PI4KA: variants seen among roughly 807,000 people sequenced by gnomAD.
PI4KA encodes the protein PI4-kinase alpha.
In PI4KA, 122 loss-of-function variants were observed where a neutral mutation model predicts 271.4. The observed-to-expected ratio is 0.45, with a 90% confidence interval of 0.39 to 0.52. The LOEUF is 0.52. Ranked by LOEUF, PI4KA falls within the 20% of genes least tolerant of loss-of-function variation. The pLI, the probability that PI4KA is intolerant of heterozygous loss-of-function variation, is 0.00. For synonymous variants in PI4KA, 1,041 were observed against 1,078.8 expected (o/e 0.96, Z 0.69); for missense variants, 1,969 against 2,769.1 (o/e 0.71, Z 6.48).
intron 1 of PI4KA, among the ~76,000 whole-genome samples, chr22:20,853,624 G>A (rs1301988128): frequency 6.6e-6 from 1 of 152,178 alleles, no homozygotes; most frequent in African/African-American, 2.4e-5. Flanking sequence ...CCTCTGAGGT[G>A]GGTTCCAATC....
At chr22:20,737,041 C>T (rs574912905) in intron 32 of PI4KA, among the ~76,000 whole-genome samples, 1 of 152,176 alleles carries the variant, frequency 6.6e-6, no homozygotes, top group African/African-American at 2.4e-5. Context: ...GTGGTTGGAC[C>T]CATTAGTTGG....
intron 19 of PI4KA, among the ~76,000 whole-genome samples, chr22:20,768,328 TC>T (rs1336650154): frequency 6.6e-6 from 1 of 152,096 alleles, no homozygotes; most frequent in African/African-American, 2.4e-5. Context: ...CGTGTTGGCC[TC>T]CCCAAGTGTT....
chr22:20,847,724 T>C (rs1206235602), intron 1 of PI4KA, among the ~76,000 whole-genome samples: 1 of 148,720 alleles, frequency 6.7e-6, no homozygotes, highest in African/African-American at 2.5e-5. Flanking sequence ...ACCACTGCTC[T>C]CCAGCCTGAG....
chr22:20,844,559 C>T (rs1351734374), intron 1 of PI4KA, among the ~76,000 whole-genome samples: 1 of 152,166 alleles, frequency 6.6e-6, no homozygotes, highest in Admixed American at 6.6e-5. Context: ...GCAAATAACA[C>T]AAGTCAGAAA....
chr22:20,805,832 CAAAAA>C (rs362153), intron 10 of PI4KA, among the ~76,000 whole-genome samples: 3 of 105,286 alleles, frequency 2.8e-5, no homozygotes, highest in Non-Finnish European at 4.0e-5. Flanking sequence ...ACTCCCATCT[CAAAAA>C]AAAAAAAAAA....
At chr22:20,721,277 G>A in intron 43 of PI4KA, 21 bp downstream of exon 43, 1 of 1,613,396 alleles carries the variant, frequency 6.2e-7, no homozygotes, top group South Asian at 1.1e-5. Context: ...AGTGAGGCCT[G>A]TGGGAGGACA....
intron 19 of PI4KA, among the ~76,000 whole-genome samples, chr22:20,767,625 G>C (rs967923339): frequency 6.6e-6 from 1 of 150,602 alleles, no homozygotes; most frequent in Admixed American, 6.6e-5. Flanking sequence ...ACCATGTCCA[G>C]CTAATTATTA....
chr22:20,812,412 A>C (rs1202066127), intron 8 of PI4KA, among the ~76,000 whole-genome samples: 1 of 152,190 alleles, frequency 6.6e-6, no homozygotes, highest in African/African-American at 2.4e-5. Context: ...CACATGCTCC[A>C]TGCTATCCAA....
At chr22:20,715,708 G>C (rs940492932) in intron 45 of PI4KA, among the ~76,000 whole-genome samples, 4 of 150,868 alleles carry the variant, frequency 2.7e-5, no homozygotes, top group South Asian at 2.1e-4. Flanking sequence ...CTCCTTACCT[G>C]AGGTGATCCA....
intron 19 of PI4KA, among the ~76,000 whole-genome samples, chr22:20,771,665 T>C (rs1345801755): frequency 6.6e-6 from 1 of 151,886 alleles, no homozygotes; most frequent in Non-Finnish European, 1.5e-5. Context: ...CACTGCAACC[T>C]TCACCTCCCA....
intron 32 of PI4KA, among the ~76,000 whole-genome samples, chr22:20,740,661 T>C (rs1302712608): frequency 6.6e-6 from 1 of 152,082 alleles, no homozygotes; most frequent in Non-Finnish European, 1.5e-5. Context: ...CAATAACATA[T>C]ACAGTCATCC....
intron 2 of PI4KA, among the ~76,000 whole-genome samples, chr22:20,837,842 TCA>T (rs1415077463): frequency 6.6e-6 from 1 of 152,090 alleles, no homozygotes; most frequent in African/African-American, 2.4e-5. Context: ...GCATGATGGC[TCA>T]CACGTGGTTC....
chr22:20,724,237 A>G (rs9608348), intron 42 of PI4KA, among the ~76,000 whole-genome samples: 68,071 of 151,092 alleles, frequency 0.45, 15,498 homozygotes, highest in East Asian at 0.53. Flanking sequence ...CCTGGGAGGC[A>G]GAGGTTGTAG....
At chr22:20,808,759 G>C (rs866962575) in intron 9 of PI4KA, among the ~76,000 whole-genome samples, 8 of 151,616 alleles carry the variant, frequency 5.3e-5, no homozygotes, top group Admixed American at 2.0e-4. Context: ...GCTCACTGCA[G>C]CCTTGAACTC....
At chr22:20,731,942 A>AT (rs1408633665) in intron 36 of PI4KA, among the ~76,000 whole-genome samples, 5 of 134,218 alleles carry the variant, frequency 3.7e-5, no homozygotes, top group African/African-American at 8.6e-5. Context: ...AAATAAAAAT[A>AT]AAAAAAAAAG....
intron 9 of PI4KA, 112 bp from the exon 10 acceptor site, chr22:20,807,570 T>C (rs976975845): frequency 1.5e-6 from 1 of 648,372 alleles, no homozygotes; most frequent in African/African-American, 1.8e-5. Context: ...GCATTCTAAA[T>C]GAAGCAACTG....
rs1249488385 is a variant in PI4KA, at chr22:20,736,925, C to T, written c.3742-2372G>A. ...GTAAAGGGAGGGGCCACACTGGCAGCTACAGTAAAGGGAGGGGCCACACTG... is the reference window on the plus strand; with the variant it reads ...GTAAAGGGAGGGGCCACACTGGCAGTTACAGTAAAGGGAGGGGCCACACTG... On this transcript the variant is annotated intron_variant, in intron 32 of 54. Transcript: ENST00000255882. 4 of 153,880 alleles carry T rather than the reference C, an allele frequency of 2.6e-5. 1 individual carries two copies. In the Admixed American group the frequency reaches 2.6e-4, roughly 10 times the overall value. 9.5% of individuals were successfully genotyped at this position (153,880 alleles called of 1,614,324 possible). A position where few individuals can be genotyped will look rare whatever the true frequency, so the allele number is the denominator to read the frequency against.
In PI4KA at chr22:20,707,844, AC is replaced by A. The variant is rs1465985907; in HGVS notation, c.*202del. 4.4e-6 allele frequency: 3 copies of A among 674,286 alleles called. No individual in the cohort carries two copies. The highest frequency in any genetic ancestry group is 8.2e-6 in the Non-Finnish European group (3 of 367,230). The allele number at this position is 674,286 out of a possible 1,614,324, so 41.8% of individuals were successfully genotyped here. On this transcript the variant is annotated 3_prime_UTR_variant, in exon 55 of 55. Transcript: ENST00000255882. ...GGACTCACACCTGTGCATAGACAGC[AC>A]CATCCATTGATTGTCGCTGCAGTCC... is the stretch of plus-strand genomic sequence containing the variant.
intron 45 of PI4KA, among the ~76,000 whole-genome samples, chr22:20,715,693 TG>T (rs1925901401): frequency 6.6e-6 from 1 of 151,930 alleles, no homozygotes; most frequent in Non-Finnish European, 1.5e-5. Flanking sequence ...CAGGCTGGTC[TG>T]GAACTCCTTA....
Sources: allele counts gnomAD v4.1 joint callset (sites outside exome capture counted in the v4.1 genomes callset), GRCh38; gene constraint gnomAD v4.1.1; transcripts MANE v1.5; gene names NCBI Gene and HGNC (gene_info 2026-07-23, HGNC 2026-07-21).